The following TMEM245 variants were observed in gnomAD, a reference collection of about 807,000 sequenced individuals.
TMEM245 encodes transmembrane protein 245, also known as protein CG-2.
A neutral mutation model predicts 101.2 loss-of-function variants in TMEM245; 69 were observed. The ratio of observed to expected loss-of-function variants is 0.68; its 90% CI spans 0.56 to 0.83. The LOEUF is 0.83. Among genes scored for constraint, TMEM245 ranks in the 40% least tolerant of loss-of-function variants. TMEM245 has a pLI of 0.00. For synonymous variants in TMEM245, 537 were observed against 449.8 expected, an observed-to-expected ratio of 1.19 and a Z score of -2.45; for missense variants, 1,075 against 1,092.8, an observed-to-expected ratio of 0.98 and a Z score of 0.23.
At chr9:109,104,999 A>G (rs1830373074) in intron 3 of TMEM245, among the ~76,000 whole-genome samples, 1 of 152,242 alleles carries the variant, frequency 6.6e-6, no homozygotes, top group African/African-American at 2.4e-5. Flanking sequence ...TAAAAGAAAA[A>G]GTAGATAAAC....
intron 14 of TMEM245, among the ~76,000 whole-genome samples, chr9:109,049,118 T>C (rs941581951): frequency 5.3e-5 from 8 of 152,212 alleles, no homozygotes; most frequent in Admixed American, 2.6e-4. Context: ...ACAGCTAGTC[T>C]AAGATCCTGC....
At chr9:109,112,312 G>A (rs1007655708) in intron 1 of TMEM245, among the ~76,000 whole-genome samples, 3 of 151,864 alleles carry the variant, frequency 2.0e-5, no homozygotes, top group African/African-American at 7.3e-5. Flanking sequence ...AGGCTGAGGC[G>A]GGCAGATCAC....
rs1388687020 is a variant in TMEM245 at position 109,076,041 on chromosome 9, T to C, written c.1450-2603A>G. On this transcript the variant is annotated intron_variant, in intron 8 of 17. Transcript: ENST00000374586. The stretch of plus-strand genomic sequence containing the variant: ...AAATTTTGATATGCAGTGGCTTCAT[T>C]TTCTTCCATTTTAAAATCTTCTAAT... Among the ~76,000 whole-genome samples the C allele has an allele frequency of 3.3e-5, 5 of 152,334 alleles. No homozygotes were observed. The East Asian group carries it at 9.6e-4, about 29-fold the overall frequency.
intron 9 of TMEM245, chr9:109,073,111 G>T: frequency 4.3e-6 from 2 of 463,930 alleles, no homozygotes; most frequent in South Asian, 5.2e-5. Context: ...TTATAAACAT[G>T]CTGTAAACCT....
intron 14 of TMEM245, among the ~76,000 whole-genome samples, chr9:109,040,176 G>A (rs1465212288): frequency 6.6e-6 from 1 of 152,156 alleles, no homozygotes. Context: ...GTAACCTAGT[G>A]AGGGATGAAA....
intron 1 of TMEM245, among the ~76,000 whole-genome samples, chr9:109,117,509 T>C (rs1830756680): frequency 6.6e-6 from 1 of 152,190 alleles, no homozygotes; most frequent in African/African-American, 2.4e-5. Flanking sequence ...TCTCTTCCAC[T>C]CATCCACAAC....
intron 7 of TMEM245, 31 bp from the exon 8 acceptor site, chr9:109,080,974 T>A: frequency 7.2e-7 from 1 of 1,394,438 alleles, no homozygotes; most frequent in Non-Finnish European, 1.0e-6. Context: ...GAATTACTTA[T>A]CTTTAAAGTA....
chr9:109,079,133 T>A (rs1163587243), intron 8 of TMEM245, among the ~76,000 whole-genome samples: 1 of 152,184 alleles, frequency 6.6e-6, no homozygotes, highest in Non-Finnish European at 1.5e-5. Flanking sequence ...AGTAGCAGCT[T>A]TTCATCAACG....
intron 14 of TMEM245, 101 bp downstream of exon 14, chr9:109,050,182 G>T: frequency 7.3e-7 from 1 of 1,362,554 alleles, no homozygotes; most frequent in Non-Finnish European, 1.0e-6. Context: ...TCCATCACGA[G>T]TTTAGCACTG....
chr9:109,065,666 T>G (rs180843694), intron 9 of TMEM245, among the ~76,000 whole-genome samples: 24 of 152,320 alleles, frequency 1.6e-4, no homozygotes, highest in African/African-American at 4.6e-4. Context: ...ACAATCCTAA[T>G]GTTTTCCACA....
At chr9:109,112,804 G>A (rs371688918) in intron 1 of TMEM245, among the ~76,000 whole-genome samples, 11 of 152,220 alleles carry the variant, frequency 7.2e-5, no homozygotes, top group South Asian at 2.1e-4. Context: ...TCGGCCGGGC[G>A]CGGTGGCTCA....
intron 14 of TMEM245, 48 bp downstream of exon 14, chr9:109,050,235 G>GA (rs1203101223): frequency 1.9e-6 from 3 of 1,604,658 alleles, no homozygotes; most frequent in Middle Eastern, 1.7e-4. Flanking sequence ...GCTTATCATG[G>GA]AAAAAAAGTT....
Position 109,119,513 on chromosome 9 carries a change from CCGTAGT to C in TMEM245, c.395_400del (p.Asp132_Tyr133del). The C allele has an allele frequency of 1.3e-6, 2 of 1,521,334 alleles. No individual in the cohort carries two copies. Among genetic ancestry groups the C allele is most frequent in the South Asian group, 2.4e-5 (2 of 82,692 alleles). The allele number at this position is 1,521,334 out of a possible 1,614,324, so 94.2% of individuals were successfully genotyped here. A position where few individuals can be genotyped will look rare whatever the true frequency, so the allele number is the denominator to read the frequency against. ...CGCCTGCTCGCCCAGGGCCTCGACG[CCGTAGT>C]CGACGAAGCAGAGCGGCAGGAGCAG... On this transcript the variant is annotated inframe_deletion, in exon 1 of 18. Coordinates refer to ENST00000374586, the MANE Select transcript of TMEM245 (RefSeq NM_032012.4).
At chr9:109,027,746 T>C (rs1827831162) in intron 17 of TMEM245, among the ~76,000 whole-genome samples, 1 of 151,996 alleles carries the variant, frequency 6.6e-6, no homozygotes, top group Non-Finnish European at 1.5e-5. Context: ...TGTGCAATGG[T>C]GCAATCTCTG....
intron 16 of TMEM245, 145 bp from the exon 17 acceptor site, chr9:109,033,646 C>T (rs1461596688): frequency 4.6e-6 from 3 of 648,358 alleles, no homozygotes; most frequent in Non-Finnish European, 7.2e-6. Context: ...TACAACTGAA[C>T]ACTGACTGCA....
chr9:109,089,999 T>C (rs1217034756), intron 5 of TMEM245, among the ~76,000 whole-genome samples: 1 of 152,078 alleles, frequency 6.6e-6, no homozygotes, highest in East Asian at 1.9e-4. Flanking sequence ...AGTGGCTCAC[T>C]CCTGTAATGC....
intron 8 of TMEM245, among the ~76,000 whole-genome samples, chr9:109,079,289 G>A (rs948245564): frequency 7.9e-5 from 12 of 151,910 alleles, no homozygotes; most frequent in African/African-American, 2.9e-4. Context: ...ATATTAGGAA[G>A]GTGGAGCCAA....
At chr9:109,050,508 A>C in intron 13 of TMEM245, 62 bp downstream of exon 13, 1 of 1,612,470 alleles carries the variant, frequency 6.2e-7, no homozygotes, top group East Asian at 2.2e-5. Context: ...ATTGCAAATG[A>C]AACCAGAAAT....
chr9:109,111,279 A>T (rs1830559780), intron 1 of TMEM245, among the ~76,000 whole-genome samples: 1 of 152,152 alleles, frequency 6.6e-6, no homozygotes, highest in South Asian at 2.1e-4. Flanking sequence ...TACAAATGGA[A>T]TAATCATTAC....
Sources: gnomAD v4.1 joint callset for allele counts (sites outside exome capture counted in the v4.1 genomes callset) on GRCh38, gnomAD v4.1.1 for gene constraint, MANE v1.5 for transcripts, NCBI Gene and HGNC (gene_info 2026-07-23, HGNC 2026-07-21) for gene names.